Variants in TTYH2 observed in about 807,000 individuals in gnomAD.
TTYH2 encodes tweety family member 2.
Under a neutral mutation model 68.3 loss-of-function variants are expected in TTYH2, and 49 were observed. The ratio of observed to expected loss-of-function variants is 0.72; its 90% CI spans 0.57 to 0.91. TTYH2 has a LOEUF of 0.91. Ranked by LOEUF, TTYH2 falls within the 40% of genes least tolerant of loss-of-function variation. TTYH2 has a pLI of 0.00. For synonymous variants in TTYH2, 272 were observed against 300.8 expected (o/e 0.90, Z 0.99); for missense variants, 631 against 700.4 (o/e 0.90, Z 1.12).
intron 4 of TTYH2, among the ~76,000 whole-genome samples, chr17:74,242,541 C>T (rs1298479826): frequency 6.6e-6 from 1 of 152,064 alleles, no homozygotes; most frequent in Non-Finnish European, 1.5e-5. Context: ...TACAGGTGCC[C>T]GCCACCACAC....
intron 5 of TTYH2, 36 bp from the exon 6 acceptor site, chr17:74,243,941 C>G (rs938140739): frequency 1.2e-6 from 2 of 1,603,052 alleles, no homozygotes; most frequent in Non-Finnish European, 1.7e-6. Context: ...GGAAGGGGAC[C>G]CCGCCTGCCA....
At chr17:74,258,627 G>T (rs1000346081) in intron 13 of TTYH2, among the ~76,000 whole-genome samples, 4 of 151,902 alleles carry the variant, frequency 2.6e-5, no homozygotes, top group African/African-American at 9.7e-5. Context: ...TGGAAACCAC[G>T]CTTGGAGAAC....
intron 13 of TTYH2, among the ~76,000 whole-genome samples, chr17:74,254,969 T>G (rs1301780160): frequency 6.6e-6 from 1 of 152,198 alleles, no homozygotes; most frequent in African/African-American, 2.4e-5. Flanking sequence ...CAGTGCCTCT[T>G]GTCCACCCCA....
chr17:74,260,158 G>T lies in TTYH2; in HGVS notation c.1554G>T (p.Leu518=), dbSNP rs1435975869. 6.2e-7 allele frequency: 1 copy of T among 1,613,920 alleles called. No homozygotes were observed. The highest frequency in any genetic ancestry group is 8.5e-7 in the Non-Finnish European group (1 of 1,179,878). ...CTCCCAGCATGAGAGCCACCTACCT[G>T]TCTGTGGCGGATGAGCACCTGAGGC... ...TYSPSMRATY[L]SVADEHLRHY... Residue 518 remains leucine (L), a synonymous_variant, in exon 14 of 14, where the codon CTG becomes CTT. Transcript: ENST00000269346.
intron 6 of TTYH2, chr17:74,248,187 A>G: frequency 1.2e-6 from 1 of 817,158 alleles, no homozygotes; most frequent in Non-Finnish European, 1.5e-6. Context: ...CCTAAGGAAC[A>G]GGCCAGAGGA....
chr17:74,214,798 C>T lies in TTYH2; in HGVS notation c.129+1082C>T, dbSNP rs1235334918. On this transcript the variant is annotated intron_variant, in intron 1 of 13. Transcript: ENST00000269346. This position sits in a 1 kb window ranked among gnomAD's most constrained non-coding sequence, Gnocchi z 4.6. ...GACTTTGGCCCCCGGCGGCCTCTCC[C>T]TGTGTCAAGTTCTCCAGATATGGGA... is the stretch of plus-strand genomic sequence containing the variant. Among the ~76,000 whole-genome samples the T allele has an allele frequency of 6.6e-6, 1 of 152,230 alleles. No homozygotes were observed. Among genetic ancestry groups the T allele is most frequent in the Non-Finnish European group, 1.5e-5 (1 of 68,048 alleles).
intron 9 of TTYH2, 76 bp from the exon 10 acceptor site, chr17:74,250,189 A>T: frequency 5.3e-6 from 8 of 1,500,542 alleles, no homozygotes; most frequent in Non-Finnish European, 7.3e-6. Context: ...GCCCCTGAGC[A>T]CAGCTGCTGT....
At chr17:74,253,395 G>A (rs1272889905) in intron 12 of TTYH2, 129 bp downstream of exon 12, 68 of 1,191,134 alleles carry the variant, frequency 5.7e-5, no homozygotes, top group African/African-American at 7.7e-5. Flanking sequence ...GCCACAGGGT[G>A]CCTGGAGGGA....
Position 74,222,442 on chromosome 17 carries a change from C to G in TTYH2, c.130-43C>G, listed in dbSNP as rs1220799549. On this transcript the variant is annotated intron_variant, in intron 1 of 13. Coordinates refer to ENST00000269346, the MANE Select transcript of TTYH2 (RefSeq NM_032646.6). This position sits in a 1 kb window ranked among gnomAD's most constrained non-coding sequence, Gnocchi z 5.2. Reference sequence around the variant, plus strand: ...GGCAGGGCACTTCCAGAGCCCCGCACTGCAGGGATGAAGAGTGACAACAGG... The same window carrying G: ...GGCAGGGCACTTCCAGAGCCCCGCAGTGCAGGGATGAAGAGTGACAACAGG... The G allele has an allele frequency of 2.5e-6, 4 of 1,570,750 alleles. No homozygotes were observed. The highest frequency in any genetic ancestry group is 3.4e-6 in the Non-Finnish European group (4 of 1,160,674).
At chr17:74,216,060 C>G (rs2050219427) in intron 1 of TTYH2, among the ~76,000 whole-genome samples, 1 of 152,240 alleles carries the variant, frequency 6.6e-6, no homozygotes. Context: ...TTCCCTTCAT[C>G]TGCAAGAATT....
intron 2 of TTYH2, among the ~76,000 whole-genome samples, chr17:74,228,937 A>G (rs1397592581): frequency 6.6e-6 from 1 of 152,178 alleles, no homozygotes; most frequent in African/African-American, 2.4e-5. Flanking sequence ...CTTGGAGAGC[A>G]TGAGGTGAGA....
intron 2 of TTYH2, among the ~76,000 whole-genome samples, chr17:74,228,911 G>A (rs2050359362): frequency 6.6e-6 from 1 of 152,178 alleles, no homozygotes. Flanking sequence ...TTAGTCCCAA[G>A]AAGGACACCT....
intron 6 of TTYH2, chr17:74,248,627 C>A: frequency 8.9e-7 from 1 of 1,117,784 alleles, no homozygotes; most frequent in Non-Finnish European, 1.1e-6. Flanking sequence ...AACTCCCACA[C>A]ACACAGCCTG....
chr17:74,251,100 C>A (rs935076352), intron 10 of TTYH2, among the ~76,000 whole-genome samples: 2 of 53,408 alleles, frequency 3.7e-5, no homozygotes, highest in Non-Finnish European at 8.1e-5. Context: ...TATGTCTGTG[C>A]GTGTGTGGTG....
chr17:74,221,601 G>A (rs527534781), intron 1 of TTYH2, among the ~76,000 whole-genome samples: 35 of 152,338 alleles, frequency 2.3e-4, no homozygotes, highest in African/African-American at 7.7e-4. Context: ...GCTGGCGGCC[G>A]CCAATCCCGG....
At position 74,250,328 on chromosome 17, in the gene TTYH2, G is replaced by A. The variant is rs770999919; in HGVS notation, c.1087G>A (p.Ala363Thr). The A allele has an allele frequency of 1.3e-5, 21 of 1,613,456 alleles. No homozygotes were observed. In the Middle Eastern group the frequency reaches 4.9e-4, roughly 38 times the overall value. Reference sequence around the variant, plus strand: ...AGAGTCCAGCCTTCACCAGCTGACCGCCATGGTGGACTGCCGAGGGCTGCA... The same window carrying A: ...AGAGTCCAGCCTTCACCAGCTGACCACCATGGTGGACTGCCGAGGGCTGCA... Reference protein sequence around the residue: ...SSESSLHQLTAMVDCRGLHKD... With the variant: ...SSESSLHQLTTMVDCRGLHKD... Residue 363 changes from alanine (A) to threonine (T), a missense_variant, in exon 10 of 14, where the codon GCC (alanine) becomes ACC (threonine). Transcript: ENST00000269346.
At chr17:74,259,763 G>C (rs2050729207) in intron 13 of TTYH2, among the ~76,000 whole-genome samples, 1 of 152,112 alleles carries the variant, frequency 6.6e-6, no homozygotes, top group Admixed American at 6.5e-5. Context: ...AAGGTCACGG[G>C]GTAAGATGCA....
intron 8 of TTYH2, 138 bp from the exon 9 acceptor site, chr17:74,249,798 G>A (rs1292869474): frequency 1.0e-6 from 1 of 989,532 alleles, no homozygotes; most frequent in African/African-American, 1.7e-5. Flanking sequence ...GGCCTGTGCA[G>A]CTGCAGCCAG....
At chr17:74,248,472 C>T in intron 6 of TTYH2, 16 of 987,998 alleles carry the variant, frequency 1.6e-5, no homozygotes, top group Non-Finnish European at 1.9e-5. Flanking sequence ...TGAGCACCTG[C>T]ACCCAAGGCT....
Sources: allele counts gnomAD v4.1 joint callset (sites outside exome capture counted in the v4.1 genomes callset), GRCh38; gene constraint gnomAD v4.1.1; non-coding constraint Gnocchi (gnomAD v3.1); transcripts MANE v1.5; gene names NCBI Gene and HGNC (gene_info 2026-07-23, HGNC 2026-07-21).